TBC1D14: variants seen among roughly 807,000 people sequenced by gnomAD.
TBC1D14 encodes TBC1 domain family member 14, also known as TBC1 domain family, member 14.
TBC1D14 carries 26 observed loss-of-function variants against 79.0 expected under a neutral mutation model. The observed-to-expected ratio is 0.33, with a 90% CI of 0.24 to 0.46. The LOEUF is 0.46. Ranked by LOEUF, TBC1D14 falls within the 20% of genes least tolerant of loss-of-function variation. TBC1D14 has a pLI of 1.00. For missense variants in TBC1D14, 769 were observed against 887.6 expected (o/e 0.87, Z 1.70); for synonymous variants, 394 against 349.9 (o/e 1.13, Z -1.40).
intron 13 of TBC1D14, among the ~76,000 whole-genome samples, chr4:7,028,395 G>A (rs572295741): frequency 2.8e-3 from 422 of 152,054 alleles, no homozygotes; most frequent in Middle Eastern, 0.01. Flanking sequence ...GGGGGTGGGG[G>A]GCTTGGGCAT....
chr4:6,919,810 G>A (rs1444546321), intron 1 of TBC1D14, among the ~76,000 whole-genome samples: 2 of 152,158 alleles, frequency 1.3e-5, no homozygotes, highest in Non-Finnish European at 2.9e-5. Flanking sequence ...TAGTAGAGAG[G>A]GGGTTTCACC....
intron 3 of TBC1D14, among the ~76,000 whole-genome samples, chr4:6,967,884 C>G (rs1455246517): frequency 6.6e-5 from 10 of 152,174 alleles, no homozygotes; most frequent in Non-Finnish European, 1.5e-4. Context: ...CCTTGCTCAC[C>G]CTGAGGCTGC....
intron 3 of TBC1D14, among the ~76,000 whole-genome samples, chr4:6,984,056 A>C (rs1214935479): frequency 6.9e-6 from 1 of 144,502 alleles, no homozygotes; most frequent in Non-Finnish European, 1.5e-5. Flanking sequence ...GTTCTTTTAC[A>C]GGTCTTTACT....
In TBC1D14 at chr4:6,930,141, C is replaced by T. The variant is rs144900635; in HGVS notation, c.722+6030C>T. On this transcript the variant is annotated intron_variant, in intron 2 of 13. Transcript: ENST00000409757. ...GTGATGCTCTGCAAAAGGGAGGAAG[C>T]GAGCAGAGCTCTAAGCCGGGTCAGG... is the stretch of plus-strand genomic sequence containing the variant. 3.5e-4 allele frequency among the ~76,000 whole-genome samples: 53 copies of T among 152,306 alleles called. No individual in the cohort carries two copies. The East Asian group carries it at 9.6e-3, about 28-fold the overall frequency.
At chr4:7,007,499 G>T (rs1407731990) in intron 9 of TBC1D14, 2 of 1,281,392 alleles carry the variant, frequency 1.6e-6, no homozygotes, top group Admixed American at 4.6e-5. Flanking sequence ...CCTGTCCCTT[G>T]TCTGTTCTCA....
At chr4:6,959,516 T>G (rs531637596) in intron 2 of TBC1D14, among the ~76,000 whole-genome samples, 2 of 152,056 alleles carry the variant, frequency 1.3e-5, no homozygotes, top group East Asian at 1.9e-4. Context: ...TGCTGCTGTT[T>G]CCAGCAGGGC....
rs1245471060 is a variant in TBC1D14, at chr4:7,001,270, C to T, written c.1270+19C>T. On this transcript the variant is annotated intron_variant, in intron 7 of 13. Coordinates refer to ENST00000409757, the MANE Select transcript of TBC1D14 (RefSeq NM_020773.3). Reference sequence around the variant, plus strand: ...ACCCACGGTGAGTGGCCTGCATGATCCTGGGGAGTCCACCTCCAGGCCCTT... The same window carrying T: ...ACCCACGGTGAGTGGCCTGCATGATTCTGGGGAGTCCACCTCCAGGCCCTT... 2 of 1,600,366 alleles carry T rather than the reference C, an allele frequency of 1.2e-6. No homozygotes were observed. The highest frequency in any genetic ancestry group is 2.7e-5 in the African/African-American group (2 of 74,646).
chr4:6,946,040 A>G (rs1713416736), intron 2 of TBC1D14, among the ~76,000 whole-genome samples: 1 of 152,182 alleles, frequency 6.6e-6, no homozygotes, highest in Non-Finnish European at 1.5e-5. Context: ...TGGACTTTCA[A>G]TTCAGACTTC....
At chr4:6,945,621 C>T (rs1169684504) in intron 2 of TBC1D14, among the ~76,000 whole-genome samples, 5 of 151,966 alleles carry the variant, frequency 3.3e-5, no homozygotes, top group Admixed American at 6.6e-5. Context: ...GGTGGCAACG[C>T]GCCTGTAATC....
intron 2 of TBC1D14, among the ~76,000 whole-genome samples, chr4:6,928,359 C>G (rs1403102760): frequency 1.3e-5 from 2 of 152,136 alleles, no homozygotes; most frequent in African/African-American, 4.8e-5. Flanking sequence ...CACCCTGGCA[C>G]CAAGTGTAAT....
chr4:6,986,992 T>C (rs1490181406), intron 3 of TBC1D14, among the ~76,000 whole-genome samples: 1 of 152,244 alleles, frequency 6.6e-6, no homozygotes, highest in Non-Finnish European at 1.5e-5. Context: ...TCTCGGGTGA[T>C]CTTTAAGGCA....
chr4:6,960,506 C>G (rs1025440321), intron 2 of TBC1D14, among the ~76,000 whole-genome samples: 2 of 152,184 alleles, frequency 1.3e-5, no homozygotes, highest in African/African-American at 2.4e-5. Flanking sequence ...GCAGGTGTTA[C>G]ATGGCATGCC....
intron 3 of TBC1D14, among the ~76,000 whole-genome samples, chr4:6,979,498 G>A (rs772084675): frequency 3.9e-5 from 6 of 152,116 alleles, no homozygotes; most frequent in Non-Finnish European, 5.9e-5. Context: ...ATACACACCT[G>A]TAGTCCTAGC....
At chr4:6,987,601 T>G (rs1220189670) in intron 3 of TBC1D14, 8 of 394,958 alleles carry the variant, frequency 2.0e-5, no homozygotes, top group Admixed American at 4.5e-5. Context: ...TATTTTCTTC[T>G]GGTTCACGTT....
intron 1 of TBC1D14, among the ~76,000 whole-genome samples, chr4:6,914,787 C>A (rs1052072599): frequency 1.3e-5 from 2 of 152,204 alleles, no homozygotes. Flanking sequence ...CATCTGTAAT[C>A]CCAGCACTTT....
At chr4:7,013,003 C>G (rs1720923996) in intron 11 of TBC1D14, among the ~76,000 whole-genome samples, 1 of 152,102 alleles carries the variant, frequency 6.6e-6, no homozygotes, top group Non-Finnish European at 1.5e-5. Flanking sequence ...ATACATGATT[C>G]CCATCTAAGT....
chr4:6,953,625 G>A (rs561663200), intron 2 of TBC1D14, among the ~76,000 whole-genome samples: 355 of 6,434 alleles, frequency 0.055, 1 homozygote, highest in Admixed American at 0.1. Flanking sequence ...GCGAGACTCC[G>A]TCTCAAAAAA....
chr4:7,020,698 T>C (rs1202928727), intron 12 of TBC1D14, among the ~76,000 whole-genome samples: 1 of 152,206 alleles, frequency 6.6e-6, no homozygotes, highest in African/African-American at 2.4e-5. Context: ...TTTTTCTTGT[T>C]TTGTTTTGTT....
rs146432112 is a variant in TBC1D14 at position 6,975,923 on chromosome 4, T to A, written c.843+8499T>A. Among the ~76,000 whole-genome samples the A allele has an allele frequency of 8.2e-3, 1,251 of 152,100 alleles. 16 individuals are homozygous for A. Among genetic ancestry groups the A allele is most frequent in the African/African-American group, 0.029 (1,190 of 41,486 alleles). ...GCCTGGCCAATGTGGCGAAACCCCA[T>A]CTCTACTAAAAATACAAAAATTAAC... is the stretch of plus-strand genomic sequence containing the variant. On this transcript the variant is annotated intron_variant, in intron 3 of 13. Transcript: ENST00000409757.
Sources: allele counts gnomAD v4.1 joint callset (sites outside exome capture counted in the v4.1 genomes callset), GRCh38; gene constraint gnomAD v4.1.1; transcripts MANE v1.5; gene names NCBI Gene and HGNC (gene_info 2026-07-23, HGNC 2026-07-21).